Variants in DSCAM observed in about 807,000 individuals in gnomAD.
DSCAM encodes the protein cell adhesion molecule DSCAM.
A neutral mutation model predicts 217.7 loss-of-function variants in DSCAM; 47 were observed. That is an observed-to-expected ratio of 0.22 (90% CI 0.17 to 0.28). DSCAM has a LOEUF of 0.28. Ranked by LOEUF, DSCAM falls within the 10% of genes least tolerant of loss-of-function variation. DSCAM has a pLI of 1.00. For missense variants in DSCAM, 2,080 were observed against 2,618.3 expected (o/e 0.79, Z 4.49); for synonymous variants, 1,056 against 1,015.3 (o/e 1.04, Z -0.76).
chr21:40,079,866 C>G (rs1360122452), intron 25 of DSCAM, among the ~76,000 whole-genome samples: 1 of 152,160 alleles, frequency 6.6e-6, no homozygotes, highest in Non-Finnish European at 1.5e-5. Flanking sequence ...AAGCGCCACG[C>G]TTCATGGCTG....
chr21:40,580,271 G>C (rs567868934), intron 3 of DSCAM, among the ~76,000 whole-genome samples: 5 of 151,910 alleles, frequency 3.3e-5, no homozygotes, highest in Admixed American at 3.3e-4. Flanking sequence ...GGTGGCTCAC[G>C]TCTGTAGTCC....
At chr21:40,317,922 A>G in intron 8 of DSCAM, among the ~76,000 whole-genome samples, 1 of 152,136 alleles carries the variant, frequency 6.6e-6, no homozygotes, top group East Asian at 1.9e-4. Context: ...ACTTTAGACA[A>G]TCCTGAAGTC....
In DSCAM at chr21:40,347,893, G is replaced by T; in HGVS notation, c.987C>A (p.Ser329Arg). ...SPRKVKSSVG[S>R]QVSLSCSVTG... is the part of the protein sequence containing the mutation. ...TCACGCTGCAGGACAAGGAAACTTG[G>T]CTACCCACGCTGCTTTTAACCTTCC... The change falls in exon 6 of 33, where the codon AGC becomes AGA. Residue 329 changes from serine to arginine, a missense_variant. Ser to Arg is a moderately radical substitution (Grantham distance 110). Coordinates refer to ENST00000400454, the MANE Select transcript of DSCAM (RefSeq NM_001389.5). 2.5e-6 allele frequency: 4 copies of T among 1,614,002 alleles called. No individual in the cohort carries two copies. Among genetic ancestry groups the T allele is most frequent in the Non-Finnish European group, 2.5e-6 (3 of 1,179,952 alleles).
intron 15 of DSCAM, among the ~76,000 whole-genome samples, chr21:40,172,695 C>G (rs1369205937): frequency 6.6e-6 from 1 of 152,222 alleles, no homozygotes; most frequent in African/African-American, 2.4e-5. Flanking sequence ...GCTCAATCAC[C>G]CCAGTGAGAA....
At chr21:40,486,881 C>T (rs73902647) in intron 3 of DSCAM, among the ~76,000 whole-genome samples, 333 of 152,236 alleles carry the variant, frequency 2.2e-3, no homozygotes, top group African/African-American at 7.4e-3. Context: ...CCCTGGCCTC[C>T]GCTGAGCTCC....
intron 9 of DSCAM, 148 bp downstream of exon 9, chr21:40,311,933 A>ATTT (rs34579385): frequency 8.4e-5 from 17 of 202,472 alleles, no homozygotes; most frequent in Admixed American, 1.8e-4. Flanking sequence ...TTAGAGTCGT[A>ATTT]TTTTTTTTTT....
chr21:40,401,378 A>G (rs1039239387), intron 3 of DSCAM, among the ~76,000 whole-genome samples: 1 of 128,542 alleles, frequency 7.8e-6, no homozygotes, highest in Non-Finnish European at 1.6e-5. Flanking sequence ...TGCATAAAGG[A>G]TATTCTCAAT....
At chr21:40,601,156 A>G (rs1254606995) in intron 3 of DSCAM, among the ~76,000 whole-genome samples, 1 of 152,232 alleles carries the variant, frequency 6.6e-6, no homozygotes, top group Admixed American at 6.5e-5. Flanking sequence ...TGTCCATGAC[A>G]ATAGAATCTC....
rs1381942013 is a variant in DSCAM, at chr21:40,692,889, G to C, written c.429C>G (p.Phe143Leu). 4 of 1,613,958 alleles carry C rather than the reference G, an allele frequency of 2.5e-6. No individual in the cohort carries two copies. Among genetic ancestry groups the C allele is most frequent in the Admixed American group, 3.3e-5 (2 of 60,000 alleles). ...QKTMRGNVAV[F>L]KCIIPSSVEA... ...CCACCGAGGAGGGGATAATGCACTT[G>C]AAGACCGCAACATTGCCTCTCATGG... The change falls in exon 3 of 33, where the codon TTC (phenylalanine) becomes TTG (leucine). Residue 143 changes from phenylalanine (F) to leucine (L), a missense_variant. Around this residue, in one of 5 missense-constraint regions of DSCAM, gnomAD observed 568 missense variants for 678.1 expected, o/e 0.84. Coordinates refer to ENST00000400454, the MANE Select transcript of DSCAM (RefSeq NM_001389.5).
At chr21:40,265,362 T>C (rs1158875270) in intron 11 of DSCAM, among the ~76,000 whole-genome samples, 1 of 151,842 alleles carries the variant, frequency 6.6e-6, no homozygotes, top group African/African-American at 2.4e-5. Context: ...GACAAACAAA[T>C]GGAAAAACAT....
At chr21:40,363,670 T>C (rs891300670) in intron 4 of DSCAM, among the ~76,000 whole-genome samples, 1 of 152,088 alleles carries the variant, frequency 6.6e-6, no homozygotes, top group Non-Finnish European at 1.5e-5. Context: ...AAAGCCAAAA[T>C]TGACAAATGG....
intron 3 of DSCAM, among the ~76,000 whole-genome samples, chr21:40,575,325 C>A (rs1389534387): frequency 6.6e-6 from 1 of 152,090 alleles, no homozygotes; most frequent in Non-Finnish European, 1.5e-5. Flanking sequence ...TTTTTGGACT[C>A]AGCCCACCTG....
At chr21:40,516,792 A>G (rs964343866) in intron 3 of DSCAM, among the ~76,000 whole-genome samples, 1 of 151,844 alleles carries the variant, frequency 6.6e-6, no homozygotes, top group Non-Finnish European at 1.5e-5. Context: ...GCTTTTTCTG[A>G]TAACATTCAT....
At chr21:40,548,360 A>G (rs753158462) in intron 3 of DSCAM, among the ~76,000 whole-genome samples, 1 of 152,104 alleles carries the variant, frequency 6.6e-6, no homozygotes, top group African/African-American at 2.4e-5. Context: ...ACTGATCTTT[A>G]AGTAAGTGAA....
At chr21:40,573,050 G>A (rs1225553441) in intron 3 of DSCAM, among the ~76,000 whole-genome samples, 1 of 152,144 alleles carries the variant, frequency 6.6e-6, no homozygotes, top group Non-Finnish European at 1.5e-5. Flanking sequence ...TTCATATAAA[G>A]TATGATAGCT....
intron 3 of DSCAM, among the ~76,000 whole-genome samples, chr21:40,497,878 AG>A (rs2076132173): frequency 6.6e-6 from 1 of 152,248 alleles, no homozygotes; most frequent in Non-Finnish European, 1.5e-5. Context: ...TTGTATTTCC[AG>A]CTATGAGAAC....
At chr21:40,586,248 A>G (rs1369049334) in intron 3 of DSCAM, among the ~76,000 whole-genome samples, 3 of 152,208 alleles carry the variant, frequency 2.0e-5, no homozygotes, top group Non-Finnish European at 4.4e-5. Context: ...TGAAGCCCAC[A>G]CCAAAAGCAG....
chr21:40,310,186 C>T (rs1306717890), intron 9 of DSCAM, among the ~76,000 whole-genome samples: 1 of 152,184 alleles, frequency 6.6e-6, no homozygotes, highest in African/African-American at 2.4e-5. Context: ...GTTTGAGAAC[C>T]ACTAACTAGT....
chr21:40,388,524 C>G (rs2075106607), intron 3 of DSCAM, among the ~76,000 whole-genome samples: 2 of 152,118 alleles, frequency 1.3e-5, no homozygotes, highest in Admixed American at 6.5e-5. Context: ...ACCTGGCAGG[C>G]ATCTCTTTAC....
Sources: gnomAD v4.1 joint callset for allele counts (sites outside exome capture counted in the v4.1 genomes callset) on GRCh38, gnomAD v4.1.1 for gene constraint, gnomAD v4.1.1 regional missense constraint, MANE v1.5 for transcripts, NCBI Gene and HGNC (gene_info 2026-07-23, HGNC 2026-07-21) for gene names.